The following LRRC3C variants were observed in gnomAD, a reference collection of about 807,000 sequenced individuals.
LRRC3C encodes leucine-rich repeat-containing protein 3C.
A neutral mutation model predicts 14.8 loss-of-function variants in LRRC3C; 11 were observed. That is an observed-to-expected ratio of 0.74 (90% CI 0.47 to 1.23). The LOEUF (loss-of-function observed/expected upper bound fraction) is 1.23. Among genes scored for constraint, LRRC3C ranks in the 50% most tolerant of loss-of-function variants. LRRC3C has a pLI of 0.00. For missense variants in LRRC3C, 354 were observed against 361.8 expected, an observed-to-expected ratio of 0.98 and a Z score of 0.18; for synonymous variants, 149 against 161.5, an observed-to-expected ratio of 0.92 and a Z score of 0.59.
At chr17:39,928,746 A>G (rs1346203172) in intron 1 of LRRC3C, among the ~76,000 whole-genome samples, 1 of 152,252 alleles carries the variant, frequency 6.6e-6, no homozygotes, top group African/African-American at 2.4e-5. Context: ...AAGTGAGGGA[A>G]CAGGAAGGAA....
At chr17:39,935,373 G>A (rs1978768408) in intron 1 of LRRC3C, among the ~76,000 whole-genome samples, 2 of 152,066 alleles carry the variant, frequency 1.3e-5, no homozygotes, top group Admixed American at 6.6e-5. Context: ...TGACCCTGGC[G>A]GATCCCTCAA....
Position 39,944,662 on chromosome 17 carries a change from G to T in LRRC3C, c.756G>T (p.Arg252Ser). ...HYVWQNRDET[R>S]RSLKRAPVLP... ...TGTGGCAGAACCGAGATGAGACCAG[G>T]CGCTCCCTCAAGCGGGCCCCAGTGC... Residue 252 changes from arginine to serine, a missense_variant, in exon 4 of 4, where the codon AGG becomes AGT. Coordinates refer to ENST00000377924, the MANE Select transcript of LRRC3C (RefSeq NM_001195545.2). 1 of 1,535,962 alleles carries T rather than the reference G, an allele frequency of 6.5e-7. No individual in the cohort carries two copies. The highest frequency in any genetic ancestry group is 2.4e-5 in the East Asian group (1 of 40,904).
chr17:39,941,350 A>G, intron 2 of LRRC3C, 93 bp from the exon 3 acceptor site: 1 of 13,796 alleles, frequency 7.2e-5, no homozygotes, highest in South Asian at 2.4e-3. Context: ...GACTTTATCT[A>G]AAAAAAAAAA....
At chr17:39,943,494 T>C (rs1978991188) in intron 3 of LRRC3C, among the ~76,000 whole-genome samples, 1 of 152,110 alleles carries the variant, frequency 6.6e-6, no homozygotes, top group Non-Finnish European at 1.5e-5. Context: ...CGCTCATCCG[T>C]CCCCTTGTCT....
Position 39,944,882 on chromosome 17 carries a change from G to A in LRRC3C, c.*148G>A. 1 of 690,792 alleles carries A rather than the reference G, an allele frequency of 1.4e-6. No homozygotes were observed. The highest frequency in any genetic ancestry group is 1.9e-5 in the South Asian group (1 of 52,286). The allele number at this position is 690,792 out of a possible 1,614,324, so 42.8% of individuals were successfully genotyped here. ...TCCTTTATTCCCCCTAAATACCTGT[G>A]CTGGTTCTCTCTCTCTCTCTCTGTG... On this transcript the variant is annotated 3_prime_UTR_variant, in exon 4 of 4. Coordinates refer to ENST00000377924, the MANE Select transcript of LRRC3C (RefSeq NM_001195545.2).
Position 39,944,433 on chromosome 17 carries a change from G to C in LRRC3C, c.527G>C (p.Arg176Thr). The C allele has an allele frequency of 6.7e-7, 1 of 1,491,196 alleles. No individual in the cohort carries two copies. Among genetic ancestry groups the C allele is most frequent in the Non-Finnish European group, 8.9e-7 (1 of 1,122,614 alleles). 92.4% of individuals were successfully genotyped at this position (1,491,196 alleles called of 1,614,324 possible). A position where few individuals can be genotyped will look rare whatever the true frequency, so the allele number is the denominator to read the frequency against. ...CALQEVLRQV[R>T]LVPGTGTGIV... The stretch of plus-strand genomic sequence containing the variant: ...CTCCAGGAAGTGCTCCGGCAGGTGA[G>C]GCTGGTGCCGGGCACTGGGACAGGC... Residue 176 changes from arginine to threonine, a missense_variant, in exon 4 of 4, where the codon AGG becomes ACG. Transcript: ENST00000377924.
rs1238467363 is a variant in LRRC3C, at chr17:39,943,833, C to G, written c.27-100C>G. ...AGCCCCCAGAGAAGAGGCCCCAGCC[C>G]AAAAAGACTCCCCAGAGGGACCTCG... On this transcript the variant is annotated intron_variant, in intron 3 of 3. Coordinates refer to ENST00000377924, the MANE Select transcript of LRRC3C (RefSeq NM_001195545.2). 9 of 1,217,244 alleles carry G rather than the reference C, an allele frequency of 7.4e-6. No individual in the cohort carries two copies. The East Asian group carries it at 1.8e-4, about 24-fold the overall frequency. 75.4% of individuals were successfully genotyped at this position (1,217,244 alleles called of 1,614,324 possible). A position where few individuals can be genotyped will look rare whatever the true frequency, so the allele number is the denominator to read the frequency against.
chr17:39,942,974 T>G (rs1434049331), intron 3 of LRRC3C, among the ~76,000 whole-genome samples: 2 of 151,706 alleles, frequency 1.3e-5, no homozygotes, highest in East Asian at 1.9e-4. Flanking sequence ...CCTTGGGGAG[T>G]GAGGGAAGAT....
chr17:39,927,793 C>T lies in LRRC3C; in HGVS notation c.-196C>T. On this transcript the variant is annotated 5_prime_UTR_variant, in exon 1 of 4. Transcript: ENST00000377924. ...GGAAGTTGTACCGTGACGTGATGGT[C>T]AGATCGGATGATAGAATTTTGGTGC... 20 of 985,506 alleles carry T rather than the reference C, an allele frequency of 2.0e-5. No homozygotes were observed. The highest frequency in any genetic ancestry group is 2.4e-5 in the Non-Finnish European group (20 of 829,958). The allele number at this position is 985,506 out of a possible 1,614,324, so 61.0% of individuals were successfully genotyped here.
At chr17:39,941,368 AAAG>A in intron 2 of LRRC3C, 72 bp from the exon 3 acceptor site, 3 of 492,756 alleles carry the variant, frequency 6.1e-6, no homozygotes, top group South Asian at 2.4e-5. Context: ...AAAAAAAAAA[AAAG>A]GAAGAAATTC....
intron 1 of LRRC3C, among the ~76,000 whole-genome samples, chr17:39,931,646 C>CTTT (rs60209396): frequency 4.3e-5 from 4 of 93,502 alleles, no homozygotes; most frequent in Non-Finnish European, 8.0e-5. Flanking sequence ...ATTTTCTATA[C>CTTT]TTTTTTTTTT....
chr17:39,927,875 G>A, intron 1 of LRRC3C, 61 bp downstream of exon 1: 1 of 985,460 alleles, frequency 1.0e-6, no homozygotes, highest in Non-Finnish European at 1.2e-6. Context: ...CCGTGCCCCA[G>A]TTTTGCAGAT....
chr17:39,943,497 C>G (rs1978991341), intron 3 of LRRC3C, among the ~76,000 whole-genome samples: 1 of 152,162 alleles, frequency 6.6e-6, no homozygotes, highest in Non-Finnish European at 1.5e-5. Context: ...TCATCCGTCC[C>G]CTTGTCTCCA....
chr17:39,940,475 C>A (rs946672504), intron 2 of LRRC3C, among the ~76,000 whole-genome samples: 1 of 152,142 alleles, frequency 6.6e-6, no homozygotes, highest in Admixed American at 6.5e-5. Flanking sequence ...TGCAGTGGTG[C>A]AATCACAGCT....
chr17:39,935,026 A>T (rs547197943), intron 1 of LRRC3C, among the ~76,000 whole-genome samples: 13 of 152,174 alleles, frequency 8.5e-5, no homozygotes, highest in Non-Finnish European at 1.6e-4. Flanking sequence ...CAGCTCCTTT[A>T]CTGCAACCTG....
chr17:39,941,349 T>TAAA (rs11344927), intron 2 of LRRC3C, 94 bp from the exon 3 acceptor site: 48 of 269,838 alleles, frequency 1.8e-4, no homozygotes, highest in South Asian at 2.7e-4. Flanking sequence ...AGACTTTATC[T>TAAA]AAAAAAAAAA....
intron 1 of LRRC3C, among the ~76,000 whole-genome samples, chr17:39,929,934 A>G (rs1165668587): frequency 1.3e-5 from 2 of 152,192 alleles, no homozygotes; most frequent in Non-Finnish European, 2.9e-5. Context: ...TACATTCCCC[A>G]GGGATATAGT....
intron 1 of LRRC3C, among the ~76,000 whole-genome samples, chr17:39,931,993 AAAGTCT>A (rs1978663143): frequency 6.6e-6 from 1 of 152,132 alleles, no homozygotes; most frequent in Non-Finnish European, 1.5e-5. Flanking sequence ...TTCATAATAA[AAAGTCT>A]AAACCTGCAT....
intron 1 of LRRC3C, among the ~76,000 whole-genome samples, chr17:39,930,091 C>G (rs999294021): frequency 2.8e-4 from 42 of 151,464 alleles, no homozygotes; most frequent in African/African-American, 1.0e-3. Flanking sequence ...CCAACCTGGA[C>G]AACATGGTAA....
Sources: allele counts gnomAD v4.1 joint callset (sites outside exome capture counted in the v4.1 genomes callset), GRCh38; gene constraint gnomAD v4.1.1; transcripts MANE v1.5; gene names NCBI Gene and HGNC (gene_info 2026-07-23, HGNC 2026-07-21).